DOP1B: variants seen among roughly 807,000 people sequenced by gnomAD.
DOP1B encodes the protein DOP1 leucine zipper like protein B.
In DOP1B, 174 loss-of-function variants were observed where a neutral mutation model predicts 233.5. That is an observed-to-expected ratio of 0.75 (90% CI 0.66 to 0.85). The LOEUF (loss-of-function observed/expected upper bound fraction) is 0.85, where lower values mean the gene tolerates loss of function less well. Among genes scored for constraint, DOP1B ranks in the 40% least tolerant of loss-of-function variants. DOP1B has a pLI of 0.00. For synonymous variants in DOP1B, 1,190 were observed against 1,185.6 expected, an observed-to-expected ratio of 1.00 and a Z score of -0.08; for missense variants, 2,652 against 2,846.6, an observed-to-expected ratio of 0.93 and a Z score of 1.56.
chr21:36,180,821 C>T (rs1213407327), intron 2 of DOP1B, among the ~76,000 whole-genome samples: 2 of 150,724 alleles, frequency 1.3e-5, no homozygotes, highest in African/African-American at 2.4e-5. Context: ...GCGGAGGTTG[C>T]AATGAGCCGA....
chr21:36,224,802 T>G (rs2066663387), intron 11 of DOP1B, among the ~76,000 whole-genome samples: 1 of 151,674 alleles, frequency 6.6e-6, no homozygotes, highest in Admixed American at 6.6e-5. Flanking sequence ...GGGTTACACT[T>G]CTCTACAGAA....
intron 2 of DOP1B, among the ~76,000 whole-genome samples, chr21:36,176,715 A>T (rs1190210490): frequency 6.6e-6 from 1 of 152,114 alleles, no homozygotes; most frequent in Non-Finnish European, 1.5e-5. Context: ...CCTCTGCAGG[A>T]GAGGGGCCAG....
chr21:36,192,719 A>C, intron 2 of DOP1B, among the ~76,000 whole-genome samples: 5 of 130,494 alleles, frequency 3.8e-5, no homozygotes, highest in Non-Finnish European at 6.4e-5. Context: ...ATGGAGTCTC[A>C]CTCTGTTGCC....
At chr21:36,179,386 C>T (rs372641294) in intron 2 of DOP1B, among the ~76,000 whole-genome samples, 1 of 152,208 alleles carries the variant, frequency 6.6e-6, no homozygotes, top group African/African-American at 2.4e-5. Flanking sequence ...TCACTTTGGT[C>T]ATTTTAATGA....
intron 15 of DOP1B, 136 bp from the exon 16 acceptor site, chr21:36,237,126 T>C (rs1433233371): frequency 8.1e-7 from 1 of 1,231,846 alleles, no homozygotes; most frequent in Non-Finnish European, 1.1e-6. Context: ...GATTTGTCTC[T>C]GAGCATGGAG....
At chr21:36,225,437 C>A in intron 11 of DOP1B, 128 bp from the exon 12 acceptor site, 1 of 1,002,738 alleles carries the variant, frequency 1.0e-6, no homozygotes, top group Non-Finnish European at 1.5e-6. Context: ...CACCATGTTG[C>A]CCAGGCTGGT....
chr21:36,158,977 A>T (rs1021121840), intron 1 of DOP1B, among the ~76,000 whole-genome samples: 20 of 149,612 alleles, frequency 1.3e-4, no homozygotes, highest in African/African-American at 4.9e-4. Flanking sequence ...AAAATATTTT[A>T]AAAAATTAGC....
At chr21:36,214,580 A>G (rs758045803) in intron 9 of DOP1B, 24 bp downstream of exon 9, 4 of 1,588,980 alleles carry the variant, frequency 2.5e-6, no homozygotes, top group Non-Finnish European at 2.6e-6. Flanking sequence ...TGCTGCTTCT[A>G]TCCTATGCTG....
In DOP1B at chr21:36,246,576, G is replaced by C; in HGVS notation, c.4596G>C (p.Lys1532Asn). Residue 1532 changes from lysine (K) to asparagine (N), a missense_variant, in exon 19 of 37, where the codon AAG becomes AAC. By Grantham distance (94) the Lys-to-Asn change is moderately conservative. Around this residue, in one of 3 missense-constraint regions of DOP1B, gnomAD observed 2,617 missense variants for 2,794.3 expected, o/e 0.94. Coordinates refer to ENST00000691173, the MANE Select transcript of DOP1B (RefSeq NM_001320714.2). The surrounding 1 kb of genome is among the most constrained non-coding windows in gnomAD (Gnocchi z 5.1). ...LVTHSLPYFG[K>N]SLGWTVTPFV... ...CGCATTCCTTGCCCTACTTCGGAAA[G>C]TCCCTGGGCTGGACGGTGACACCCT... 1 of 1,614,164 alleles carries C rather than the reference G, an allele frequency of 6.2e-7. No homozygotes were observed. Among genetic ancestry groups the C allele is most frequent in the Non-Finnish European group, 8.5e-7 (1 of 1,180,040 alleles).
chr21:36,255,638 C>T (rs1285689018), intron 23 of DOP1B, among the ~76,000 whole-genome samples: 3 of 151,780 alleles, frequency 2.0e-5, no homozygotes, highest in East Asian at 1.9e-4. Flanking sequence ...TGCCACATTG[C>T]CCAGGCTGGT....
chr21:36,288,234 G>A, intron 33 of DOP1B, 84 bp downstream of exon 33: 1 of 1,334,934 alleles, frequency 7.5e-7, no homozygotes, highest in South Asian at 1.4e-5. Context: ...TATTTCCTAT[G>A]TATCCCATTT....
rs758445211 is a variant in DOP1B, at chr21:36,277,063, C to T, written c.5675C>T (p.Ser1892Leu). The T allele has an allele frequency of 9.3e-6, 15 of 1,613,982 alleles. 1 individual carries two copies. Among genetic ancestry groups the T allele is most frequent in the South Asian group, 4.4e-5 (4 of 91,082 alleles). The change falls in exon 28 of 37, where the codon TCG becomes TTG. Residue 1892 changes from serine to leucine, a missense_variant. Physicochemically the swap from Ser to Leu is moderately radical, Grantham distance 145. Coordinates refer to ENST00000691173, the MANE Select transcript of DOP1B (RefSeq NM_001320714.2). ...ASAMVSSSAP[S>L]VYSVQALSLL... Reference sequence around the variant, plus strand: ...GCAATGGTGTCTTCATCCGCCCCGTCGGTGTACAGCGTGCAAGCCCTCTCT... The same window carrying T: ...GCAATGGTGTCTTCATCCGCCCCGTTGGTGTACAGCGTGCAAGCCCTCTCT...
chr21:36,262,297 T>C (rs976530972), intron 24 of DOP1B, among the ~76,000 whole-genome samples: 2 of 152,104 alleles, frequency 1.3e-5, no homozygotes, highest in African/African-American at 2.4e-5. Context: ...GAGCTGCAGG[T>C]TAGATTTGGT....
At position 36,289,144 on chromosome 21, in the gene DOP1B, A is replaced by G. The variant is rs760847010; in HGVS notation, c.6453A>G (p.Ser2151=). ...AGAGTGAACTCATCTTGTATTTATC[A>G]GCTTGCAAATTCTTGGACACAGCGC... The part of the protein sequence containing the change: ...IPQSELILYL[S]ACKFLDTALS... Residue 2151 remains serine, a synonymous_variant, in exon 35 of 37, where the codon TCA becomes TCG. Transcript: ENST00000691173. The G allele has an allele frequency of 1.2e-6, 2 of 1,614,150 alleles. No individual in the cohort carries two copies. Among genetic ancestry groups the G allele is most frequent in the Non-Finnish European group, 1.7e-6 (2 of 1,180,016 alleles).
At chr21:36,289,438 T>C (rs58576899) in intron 35 of DOP1B, among the ~76,000 whole-genome samples, 5 of 34,878 alleles carry the variant, frequency 1.4e-4, no homozygotes, top group South Asian at 5.6e-4. Flanking sequence ...TGTGTGTGTG[T>C]GTGTGTGTGT....
At chr21:36,269,616 G>C (rs965106290) in intron 26 of DOP1B, among the ~76,000 whole-genome samples, 3 of 152,062 alleles carry the variant, frequency 2.0e-5, no homozygotes, top group Admixed American at 6.6e-5. Flanking sequence ...CACTTCCTGG[G>C]ATCAAGCGAT....
chr21:36,237,409 G>A lies in DOP1B; in HGVS notation c.2770G>A (p.Asp924Asn), dbSNP rs894548823. Residue 924 changes from aspartate to asparagine, a missense_variant, in exon 16 of 37, where the codon GAC becomes AAC. Around this residue, in one of 3 missense-constraint regions of DOP1B, gnomAD observed 2,617 missense variants for 2,794.3 expected, o/e 0.94. Coordinates refer to ENST00000691173, the MANE Select transcript of DOP1B (RefSeq NM_001320714.2). The part of the protein sequence containing the change: ...DIICHALLDP[D>N]KGTRLEALFR... The stretch of plus-strand genomic sequence containing the variant: ...CATCTGCCATGCCCTCCTGGACCCT[G>A]ACAAGGTGAGCCTTTCTGGCCGCCA... The A allele has an allele frequency of 6.2e-7, 1 of 1,613,988 alleles. No homozygotes were observed. Among genetic ancestry groups the A allele is most frequent in the Non-Finnish European group, 8.5e-7 (1 of 1,180,038 alleles).
intron 5 of DOP1B, among the ~76,000 whole-genome samples, chr21:36,210,421 G>A (rs1442825734): frequency 2.6e-5 from 4 of 152,100 alleles, no homozygotes; most frequent in East Asian, 1.9e-4. Flanking sequence ...GAGGCGGGTG[G>A]ATTACCTGAG....
chr21:36,207,098 C>G (rs535723560), intron 4 of DOP1B, among the ~76,000 whole-genome samples: 1 of 152,036 alleles, frequency 6.6e-6, no homozygotes, highest in Non-Finnish European at 1.5e-5. Context: ...TGACAGCAAA[C>G]AGAGTGGACC....
Sources: gnomAD v4.1 joint callset for allele counts (sites outside exome capture counted in the v4.1 genomes callset) on GRCh38, gnomAD v4.1.1 for gene constraint, gnomAD v4.1.1 regional missense constraint, Gnocchi (gnomAD v3.1) non-coding constraint, MANE v1.5 for transcripts, NCBI Gene and HGNC (gene_info 2026-07-23, HGNC 2026-07-21) for gene names.